UBE2W: variants seen among roughly 807,000 people sequenced by gnomAD.
UBE2W encodes ubiquitin-conjugating enzyme E2 W.
In UBE2W, 18 loss-of-function variants were observed where a neutral mutation model predicts 27.2. That is an observed-to-expected ratio of 0.66 (90% CI 0.46 to 0.98). The LOEUF (loss-of-function observed/expected upper bound fraction) is 0.98. Among genes scored for constraint, UBE2W ranks in the 50% least tolerant of loss-of-function variants. The pLI, the probability that UBE2W is intolerant of heterozygous loss-of-function variation, is 0.00. For missense variants in UBE2W, 90 were observed against 180.2 expected (o/e 0.50, Z 2.87); for synonymous variants, 53 against 57.2 (o/e 0.93, Z 0.33).
At chr8:73,781,619 G>GTTTTTTTTTTTTTTTTTTTTTTT (rs112691687), downstream of UBE2W, among the ~76,000 whole-genome samples, 3 of 140,880 alleles carry the variant, frequency 2.1e-5, no homozygotes, top group Non-Finnish European at 3.1e-5. Flanking sequence ...TCAGGTTTGG[G>GTTTTTTTTTTTTTTTTTTTTTTT]TTTTTTTTTT....
chr8:73,857,172 G>C (rs1355184779), intron 1 of UBE2W, among the ~76,000 whole-genome samples: 1 of 152,018 alleles, frequency 6.6e-6, no homozygotes, highest in African/African-American at 2.4e-5. Context: ...TGTGATTTTA[G>C]GGATTTTACC....
chr8:73,803,687 G>A (rs1005950626), intron 5 of UBE2W, among the ~76,000 whole-genome samples: 1 of 150,716 alleles, frequency 6.6e-6, no homozygotes, highest in African/African-American at 2.4e-5. Context: ...TAAGTCATAT[G>A]TATTTCTTAT....
chr8:73,785,858 C>A (rs946113206), downstream of UBE2W, among the ~76,000 whole-genome samples: 26 of 152,242 alleles, frequency 1.7e-4, no homozygotes, highest in Non-Finnish European at 3.8e-4. Context: ...AGGCGTAAGC[C>A]ACTGTGCCTG....
intron 1 of UBE2W, 105 bp downstream of exon 1, chr8:73,878,703 C>A: frequency 9.2e-7 from 1 of 1,091,272 alleles, no homozygotes. Flanking sequence ...GGACCGATCC[C>A]GAACCCGCCC....
At position 73,868,555 on chromosome 8, in the gene UBE2W, G is replaced by A. The variant is rs1285861731; in HGVS notation, c.15+10253C>T. Among the ~76,000 whole-genome samples, 5 of 152,090 alleles carry A rather than the reference G, an allele frequency of 3.3e-5. No individual in the cohort carries two copies. In the East Asian group the frequency reaches 5.8e-4, roughly 18 times the overall value. Reference sequence around the variant, plus strand: ...GGAACCTCCAATTTGTAGCCAAGTCGGACACAAGTCGTGGGTAACCTGGGA... The same window carrying A: ...GGAACCTCCAATTTGTAGCCAAGTCAGACACAAGTCGTGGGTAACCTGGGA... On this transcript the variant is annotated intron_variant, in intron 1 of 5. Transcript: ENST00000602593.
chr8:73,869,295 T>C (rs985063770), intron 1 of UBE2W, among the ~76,000 whole-genome samples: 1 of 152,038 alleles, frequency 6.6e-6, no homozygotes, highest in Non-Finnish European at 1.5e-5. Flanking sequence ...CAGTGGCTCA[T>C]GCCTGTAATC....
At chr8:73,782,182 C>T (rs991348563), downstream of UBE2W, among the ~76,000 whole-genome samples, 2 of 151,764 alleles carry the variant, frequency 1.3e-5, no homozygotes, top group African/African-American at 4.8e-5. Context: ...CTCTTGACCT[C>T]GTGATCTGCC....
At chr8:73,850,554 T>C (rs1811028059) in intron 1 of UBE2W, among the ~76,000 whole-genome samples, 1 of 151,978 alleles carries the variant, frequency 6.6e-6, no homozygotes, top group South Asian at 2.1e-4. Flanking sequence ...CTTGAAATGA[T>C]AAAAGTCAGA....
rs1808141214 is a variant in UBE2W at position 73,790,394 on chromosome 8, C to T, written c.*3708G>A. The T allele has an allele frequency of 3.0e-6, 3 of 985,218 alleles. No homozygotes were observed. The highest frequency in any genetic ancestry group is 4.7e-5 in the South Asian group (1 of 21,292). 61.0% of individuals were successfully genotyped at this position (985,218 alleles called of 1,614,324 possible). On this transcript the variant is annotated 3_prime_UTR_variant, in exon 6 of 6. Coordinates refer to ENST00000602593, the MANE Select transcript of UBE2W (RefSeq NM_018299.6). ...GACCTCAATCATGCACAGGCAGTAA[C>T]GGCATTACTATAACACAGAACAGTA...
chr8:73,836,033 C>T lies in UBE2W; in HGVS notation c.16-5561G>A, dbSNP rs141964147. Among the ~76,000 whole-genome samples, 28 of 152,250 alleles carry T rather than the reference C, an allele frequency of 1.8e-4. No homozygotes were observed. The South Asian group carries it at 5.4e-3, about 29-fold the overall frequency. The stretch of plus-strand genomic sequence containing the variant: ...AACTATGCCTCTGATTCCTGACCCT[C>T]GGAACTGTGAAATAACATTTGTTGT... On this transcript the variant is annotated intron_variant, in intron 1 of 5. Transcript: ENST00000602593.
chr8:73,869,570 A>G (rs1811914498), intron 1 of UBE2W, among the ~76,000 whole-genome samples: 1 of 152,222 alleles, frequency 6.6e-6, no homozygotes, highest in Admixed American at 6.5e-5. Context: ...GCACGCCTGC[A>G]GTCCCAGCTA....
intron 3 of UBE2W, among the ~76,000 whole-genome samples, chr8:73,824,026 T>C (rs1016593977): frequency 3.9e-5 from 6 of 152,244 alleles, no homozygotes; most frequent in African/African-American, 9.6e-5. Flanking sequence ...TTTTCCAGAA[T>C]AGCTCATTTG....
chr8:73,870,477 A>G (rs927281963), intron 1 of UBE2W, among the ~76,000 whole-genome samples: 3 of 152,064 alleles, frequency 2.0e-5, no homozygotes, highest in Admixed American at 6.6e-5. Context: ...AATTCCAAAG[A>G]TCCAGGAAAT....
At chr8:73,798,596 T>C (rs926616647) in intron 5 of UBE2W, among the ~76,000 whole-genome samples, 1 of 152,220 alleles carries the variant, frequency 6.6e-6, no homozygotes, top group African/African-American at 2.4e-5. Flanking sequence ...AAATCATTTA[T>C]GAAACTAAGT....
chr8:73,786,388 C>T lies in UBE2W; in HGVS notation c.*7714G>A. 1 of 985,356 alleles carries T rather than the reference C, an allele frequency of 1.0e-6. No homozygotes were observed. Among genetic ancestry groups the T allele is most frequent in the Non-Finnish European group, 1.2e-6 (1 of 829,904 alleles). 61.0% of individuals were successfully genotyped at this position (985,356 alleles called of 1,614,324 possible). A position where few individuals can be genotyped will look rare whatever the true frequency, so the allele number is the denominator to read the frequency against. On this transcript the variant is annotated 3_prime_UTR_variant, in exon 6 of 6. Transcript: ENST00000602593. Reference sequence around the variant, plus strand: ...GCTAGGATAAAAATACAAGCATAACCAAGTTAATTCAATACACACTTATTA... The same window carrying T: ...GCTAGGATAAAAATACAAGCATAACTAAGTTAATTCAATACACACTTATTA...
At chr8:73,866,760 A>G (rs903614026) in intron 1 of UBE2W, among the ~76,000 whole-genome samples, 2 of 152,072 alleles carry the variant, frequency 1.3e-5, no homozygotes, top group Admixed American at 1.3e-4. Flanking sequence ...ACAGAAAAAA[A>G]GTAAATTGGC....
intron 1 of UBE2W, among the ~76,000 whole-genome samples, chr8:73,873,110 T>C (rs1812074313): frequency 6.6e-6 from 1 of 152,124 alleles, no homozygotes; most frequent in Non-Finnish European, 1.5e-5. Context: ...GGTTTCACCA[T>C]GTTGGCCGGG....
chr8:73,803,900 G>A (rs1055370307), intron 5 of UBE2W, among the ~76,000 whole-genome samples: 5 of 151,530 alleles, frequency 3.3e-5, no homozygotes, highest in African/African-American at 1.2e-4. Context: ...CCGAGTAACT[G>A]GGACTACAGG....
chr8:73,864,386 AT>A (rs919311974), intron 1 of UBE2W, among the ~76,000 whole-genome samples: 22 of 152,188 alleles, frequency 1.4e-4, no homozygotes, highest in African/African-American at 5.3e-4. Context: ...CTCTAAAAAA[AT>A]TTTTTTTAAT....
Sources: gnomAD v4.1 joint callset for allele counts (sites outside exome capture counted in the v4.1 genomes callset) on GRCh38, gnomAD v4.1.1 for gene constraint, MANE v1.5 for transcripts, NCBI Gene and HGNC (gene_info 2026-07-23, HGNC 2026-07-21) for gene names.